The following R3HDM2 variants were observed in gnomAD, a reference collection of about 807,000 sequenced individuals.
R3HDM2 encodes the protein R3H domain-containing protein 2.
In R3HDM2, 38 loss-of-function variants were observed where a neutral mutation model predicts 124.5. The ratio of observed to expected loss-of-function variants is 0.31; its 90% CI spans 0.24 to 0.40. The LOEUF is 0.40. R3HDM2 is among the 10% of genes least tolerant of loss of function. The pLI is 1.00. For synonymous variants in R3HDM2, 391 were observed against 448.0 expected (o/e 0.87, Z 1.61); for missense variants, 869 against 1,236.9 (o/e 0.70, Z 4.46).
chr12:57,383,190 C>G (rs1359153307), intron 2 of R3HDM2, among the ~76,000 whole-genome samples: 3 of 151,876 alleles, frequency 2.0e-5, no homozygotes, highest in African/African-American at 7.3e-5. Context: ...TGTGGTGGTG[C>G]ATGCCTGTAG....
intron 2 of R3HDM2, among the ~76,000 whole-genome samples, chr12:57,384,847 G>C (rs1329851938): frequency 6.6e-6 from 1 of 152,182 alleles, no homozygotes. Context: ...AGAAAAAAAT[G>C]TGAAAAGTAC....
At chr12:57,398,613 C>T (rs2067789674) in intron 1 of R3HDM2, among the ~76,000 whole-genome samples, 1 of 152,006 alleles carries the variant, frequency 6.6e-6, no homozygotes, top group South Asian at 2.1e-4. Flanking sequence ...CTCAACCTCC[C>T]AAGTAGGTGG....
At chr12:57,411,603 C>T (rs1462812016) in intron 1 of R3HDM2, among the ~76,000 whole-genome samples, 1 of 152,162 alleles carries the variant, frequency 6.6e-6, no homozygotes, top group East Asian at 1.9e-4. Flanking sequence ...TTTTTGTGGA[C>T]AAGACTGACA....
At chr12:57,261,120 T>C (rs2040706545) in intron 19 of R3HDM2, among the ~76,000 whole-genome samples, 1 of 152,134 alleles carries the variant, frequency 6.6e-6, no homozygotes, top group African/African-American at 2.4e-5. Flanking sequence ...TTAACAACTC[T>C]CCCCTTACTG....
At chr12:57,410,591 G>A (rs1386659987) in intron 1 of R3HDM2, among the ~76,000 whole-genome samples, 1 of 152,152 alleles carries the variant, frequency 6.6e-6, no homozygotes, top group African/African-American at 2.4e-5. Flanking sequence ...AATGGTTCAC[G>A]CCTATAATTC....
intron 11 of R3HDM2, among the ~76,000 whole-genome samples, chr12:57,290,508 T>A (rs1048476610): frequency 2.0e-5 from 3 of 152,254 alleles, no homozygotes; most frequent in Admixed American, 1.3e-4. Context: ...GAAAATAATA[T>A]AAACTACTTC....
intron 2 of R3HDM2, among the ~76,000 whole-genome samples, chr12:57,374,083 G>C (rs1001120805): frequency 3.4e-4 from 51 of 151,796 alleles, no homozygotes; most frequent in Non-Finnish European, 1.5e-4. Flanking sequence ...AGATGAGATC[G>C]CACCACTGCA....
chr12:57,254,398 G>A lies in R3HDM2; in HGVS notation c.*375C>T. The stretch of plus-strand genomic sequence containing the variant: ...TGTCTGTAGTGCCAGCTACTTGGGA[G>A]GCTGAGGCAGGAGAATCACCTGAAC... On this transcript the variant is annotated 3_prime_UTR_variant, in exon 24 of 24. Coordinates refer to ENST00000402412, the MANE Select transcript of R3HDM2 (RefSeq NM_001394031.1). 2.7e-6 allele frequency: 1 copy of A among 368,706 alleles called. No individual in the cohort carries two copies. The highest frequency in any genetic ancestry group is 4.1e-5 in the Admixed American group (1 of 24,386). The allele number at this position is 368,706 out of a possible 1,614,324, so 22.8% of individuals were successfully genotyped here.
At chr12:57,264,655 C>T (rs1442636425) in intron 19 of R3HDM2, among the ~76,000 whole-genome samples, 14 of 147,970 alleles carry the variant, frequency 9.5e-5, no homozygotes, top group Non-Finnish European at 1.6e-4. Context: ...GGGTCTTGCT[C>T]TCCATGATGA....
chr12:57,296,700 A>G lies in R3HDM2; in HGVS notation c.561-149T>C. On this transcript the variant is annotated intron_variant, in intron 8 of 23. Coordinates refer to ENST00000402412, the MANE Select transcript of R3HDM2 (RefSeq NM_001394031.1). The surrounding 1 kb of genome is among the most constrained non-coding windows in gnomAD (Gnocchi z 4.5). ...GAATATAGATATTTACTAAATGGGA[A>G]CCAAATAGGTTTTTCTCAGTTTCTT... is the stretch of plus-strand genomic sequence containing the variant. The G allele has an allele frequency of 1.2e-6, 1 of 828,714 alleles. No individual in the cohort carries two copies. The highest frequency in any genetic ancestry group is 2.7e-5 in the East Asian group (1 of 36,976). 51.3% of individuals were successfully genotyped at this position (828,714 alleles called of 1,614,324 possible).
intron 14 of R3HDM2, among the ~76,000 whole-genome samples, chr12:57,271,437 T>TACAC (rs34695167): frequency 0.032 from 4,793 of 149,500 alleles, 120 homozygotes; most frequent in African/African-American, 0.073. Context: ...TGGACAGTAA[T>TACAC]ACACACACAC....
In R3HDM2 at chr12:57,300,799, G is replaced by A. The variant is rs562378512; in HGVS notation, c.208-618C>T. ...AGATGCCAAGGGTTTGGAAAGAAGT[G>A]TCTAAGAAAAGAGTAAGAGAAAGGC... On this transcript the variant is annotated intron_variant, in intron 4 of 23. Transcript: ENST00000402412. Among the ~76,000 whole-genome samples the A allele has an allele frequency of 7.9e-5, 12 of 152,242 alleles. 2 individuals are homozygous for A. The highest frequency in any genetic ancestry group is 2.6e-4 in the African/African-American group (11 of 41,532).
intron 2 of R3HDM2, among the ~76,000 whole-genome samples, chr12:57,316,261 C>T (rs1030523475): frequency 2.0e-5 from 3 of 152,286 alleles, no homozygotes; most frequent in Admixed American, 6.5e-5. Context: ...TTTCTTTTGG[C>T]GCTTGCCTTC....
intron 22 of R3HDM2, 143 bp downstream of exon 22, chr12:57,256,271 G>T: frequency 1.1e-6 from 1 of 870,832 alleles, no homozygotes; most frequent in Non-Finnish European, 1.8e-6. Flanking sequence ...TGGGAGACAT[G>T]AGTATAGGAG....
At chr12:57,300,337 T>A in intron 4 of R3HDM2, among the ~76,000 whole-genome samples, 156 bp from the exon 5 acceptor site, 1 of 151,944 alleles carries the variant, frequency 6.6e-6, no homozygotes, top group East Asian at 1.9e-4. Context: ...TTCAAACGGG[T>A]CCTACTCACC....
intron 2 of R3HDM2, among the ~76,000 whole-genome samples, chr12:57,387,226 C>T (rs1205884960): frequency 6.6e-6 from 1 of 152,108 alleles, no homozygotes; most frequent in Admixed American, 6.6e-5. Context: ...TGTTCTTTCG[C>T]TCTTTGCAAT....
At chr12:57,255,936 A>C in intron 23 of R3HDM2, 54 bp downstream of exon 23, 8 of 1,466,898 alleles carry the variant, frequency 5.5e-6, no homozygotes, top group Non-Finnish European at 7.5e-6. Flanking sequence ...ACTGGTAATT[A>C]AGCGCTGGAA....
At chr12:57,302,804 A>G (rs1010836406) in intron 4 of R3HDM2, among the ~76,000 whole-genome samples, 1 of 151,932 alleles carries the variant, frequency 6.6e-6, no homozygotes, top group African/African-American at 2.4e-5. Context: ...AAAAAAAAAA[A>G]AAGAAGGGGG....
At chr12:57,373,540 T>C (rs761691816) in intron 2 of R3HDM2, among the ~76,000 whole-genome samples, 6 of 151,926 alleles carry the variant, frequency 3.9e-5, no homozygotes, top group Non-Finnish European at 7.4e-5. Flanking sequence ...CTGGGCACAG[T>C]GGCTCACACC....
Sources: allele counts gnomAD v4.1 joint callset (sites outside exome capture counted in the v4.1 genomes callset), GRCh38; gene constraint gnomAD v4.1.1; non-coding constraint Gnocchi (gnomAD v3.1); transcripts MANE v1.5; gene names NCBI Gene and HGNC (gene_info 2026-07-23, HGNC 2026-07-21).